FGF14: variants seen among roughly 807,000 people sequenced by gnomAD.
FGF14 encodes fibroblast growth factor homologous factor 4.
In FGF14, 5 loss-of-function variants were observed where a neutral mutation model predicts 25.5. That is an observed-to-expected ratio of 0.20 (90% CI 0.10 to 0.41). FGF14 has a LOEUF of 0.41. Ranked by LOEUF, FGF14 falls within the 10% of genes least tolerant of loss-of-function variation. The pLI is 1.00. For missense variants in FGF14, 222 were observed against 320.1 expected, an observed-to-expected ratio of 0.69 and a Z score of 2.34; for synonymous variants, 138 against 118.3, an observed-to-expected ratio of 1.17 and a Z score of -1.08.
chr13:101,727,892 A>G (rs1211610364), intron 3 of FGF14, among the ~76,000 whole-genome samples: 1 of 152,122 alleles, frequency 6.6e-6, no homozygotes, highest in East Asian at 1.9e-4. Flanking sequence ...TGAAAATACC[A>G]CTGGACTAAA....
intron 3 of FGF14, among the ~76,000 whole-genome samples, chr13:101,850,944 G>GATAGGA (rs1273012518): frequency 6.6e-6 from 1 of 151,828 alleles, no homozygotes. Context: ...ATTTATGAGG[G>GATAGGA]ATAGGAAGTT....
At chr13:101,739,014 C>CTATA (rs561914493) in intron 3 of FGF14, among the ~76,000 whole-genome samples, 10 of 142,064 alleles carry the variant, frequency 7.0e-5, no homozygotes, top group South Asian at 2.2e-4. Flanking sequence ...GTATATCTAT[C>CTATA]TATATATATA....
At chr13:102,033,452 C>T (rs371279087) in intron 1 of FGF14, among the ~76,000 whole-genome samples, 1 of 152,068 alleles carries the variant, frequency 6.6e-6, no homozygotes, top group East Asian at 1.9e-4. Context: ...CCAAGCTTAA[C>T]AGACCCATTC....
At chr13:101,896,969 A>C (rs1594644055) in intron 1 of FGF14, among the ~76,000 whole-genome samples, 1 of 152,306 alleles carries the variant, frequency 6.6e-6, no homozygotes, top group Non-Finnish European at 1.5e-5. Context: ...TATACTAGAG[A>C]CAAATAAGGA....
intron 1 of FGF14, among the ~76,000 whole-genome samples, chr13:102,123,010 C>T (rs769254576): frequency 6.6e-6 from 1 of 152,170 alleles, no homozygotes; most frequent in South Asian, 2.1e-4. Context: ...CCAGACACAT[C>T]GAGCAATCAG....
intron 1 of FGF14, among the ~76,000 whole-genome samples, chr13:102,321,786 T>C (rs1233415893): frequency 6.6e-6 from 1 of 152,222 alleles, no homozygotes. Flanking sequence ...TTCTCAGTAG[T>C]TTGGATTCCA....
chr13:102,253,182 C>A (rs749864776), intron 1 of FGF14, among the ~76,000 whole-genome samples: 53 of 152,142 alleles, frequency 3.5e-4, no homozygotes, highest in African/African-American at 1.2e-3. Context: ...TGGGTATATA[C>A]GCAGTAATGG....
chr13:102,288,795 G>A (rs1199358449), intron 1 of FGF14, among the ~76,000 whole-genome samples: 1 of 152,088 alleles, frequency 6.6e-6, no homozygotes, highest in Admixed American at 6.5e-5. Flanking sequence ...ATGTTGGCCA[G>A]GCTGGTCTCA....
chr13:102,036,683 A>AAGGAGGAGGATG (rs1432991715), intron 1 of FGF14, among the ~76,000 whole-genome samples: 1 of 151,930 alleles, frequency 6.6e-6, no homozygotes, highest in African/African-American at 2.4e-5. Context: ...GAAGAAGGAG[A>AAGGAGGAGGATG]AGGAGGAGGA....
chr13:102,267,984 T>C (rs886732488), intron 1 of FGF14, among the ~76,000 whole-genome samples: 1 of 152,004 alleles, frequency 6.6e-6, no homozygotes, highest in African/African-American at 2.4e-5. Flanking sequence ...AATTTAGCTA[T>C]AAATAGATAA....
chr13:102,061,023 G>A (rs1268822720), intron 1 of FGF14, among the ~76,000 whole-genome samples: 1 of 152,206 alleles, frequency 6.6e-6, no homozygotes, highest in Non-Finnish European at 1.5e-5. Context: ...CATGGGAGGA[G>A]AGCCCGGCAG....
At chr13:102,031,816 A>G (rs1001255691) in intron 1 of FGF14, among the ~76,000 whole-genome samples, 1 of 152,148 alleles carries the variant, frequency 6.6e-6, no homozygotes, top group African/African-American at 2.4e-5. Context: ...ATCTATAGTC[A>G]AACCTTTTCA....
At chr13:101,733,340 G>A (rs2035935885) in intron 3 of FGF14, among the ~76,000 whole-genome samples, 1 of 152,022 alleles carries the variant, frequency 6.6e-6, no homozygotes, top group South Asian at 2.1e-4. Flanking sequence ...GGTCACTCCT[G>A]TAATCCCAGC....
At chr13:102,270,105 A>C (rs2053176446) in intron 1 of FGF14, among the ~76,000 whole-genome samples, 1 of 152,176 alleles carries the variant, frequency 6.6e-6, no homozygotes, top group African/African-American at 2.4e-5. Context: ...TAAAGTTGTA[A>C]AATTTTAAGT....
At chr13:101,834,687 C>A (rs888298306) in intron 3 of FGF14, among the ~76,000 whole-genome samples, 3 of 151,880 alleles carry the variant, frequency 2.0e-5, no homozygotes, top group Admixed American at 2.0e-4. Flanking sequence ...ACAGAACAAT[C>A]CAGAAAAAAA....
At chr13:102,334,742 A>T (rs955769790) in intron 1 of FGF14, among the ~76,000 whole-genome samples, 1 of 152,130 alleles carries the variant, frequency 6.6e-6, no homozygotes, top group Non-Finnish European at 1.5e-5. Context: ...GATGTTTTGA[A>T]TTTTTGCTTT....
intron 1 of FGF14, among the ~76,000 whole-genome samples, chr13:102,145,449 T>G (rs188186258): frequency 7.9e-5 from 12 of 152,314 alleles, no homozygotes; most frequent in Admixed American, 2.0e-4. Context: ...AATGTCATTA[T>G]GCTGCTGAAT....
intron 1 of FGF14, among the ~76,000 whole-genome samples, chr13:102,028,275 A>G (rs2041031590): frequency 6.6e-6 from 1 of 152,076 alleles, no homozygotes; most frequent in Non-Finnish European, 1.5e-5. Flanking sequence ...GGAGGTGATT[A>G]AGTCACGAGG....
At chr13:102,398,850 A>G (rs1459372228) in intron 1 of FGF14, among the ~76,000 whole-genome samples, 1 of 148,984 alleles carries the variant, frequency 6.7e-6, no homozygotes, top group African/African-American at 2.4e-5. Flanking sequence ...AATGTGACAC[A>G]TTAATGTCCC....
Sources: allele counts gnomAD v4.1 joint callset (sites outside exome capture counted in the v4.1 genomes callset), GRCh38; gene constraint gnomAD v4.1.1; transcripts MANE v1.5; gene names NCBI Gene and HGNC (gene_info 2026-07-23, HGNC 2026-07-21).